PTCH1: variants seen among roughly 807,000 people sequenced by gnomAD.
PTCH1 encodes patched 1.
In PTCH1, 14 loss-of-function variants were observed where a neutral mutation model predicts 144.6. The ratio of observed to expected loss-of-function variants is 0.10; its 90% confidence interval spans 0.06 to 0.15. The LOEUF is 0.15. PTCH1 is among the 10% of genes least tolerant of loss of function. The pLI is 1.00. For synonymous variants in PTCH1, 833 were observed against 793.6 expected (o/e 1.05, Z -0.83); for missense variants, 1,623 against 1,948.3 (o/e 0.83, Z 3.14).
intron 2 of PTCH1, among the ~76,000 whole-genome samples, chr9:95,496,246 G>T (rs1005591807): frequency 1.3e-5 from 2 of 152,212 alleles, no homozygotes; most frequent in Admixed American, 1.3e-4. Context: ...AAAAATGGTT[G>T]CATTTAGCAG....
At chr9:95,474,122 C>A (rs1300724029) in intron 12 of PTCH1, 1 of 493,846 alleles carries the variant, frequency 2.0e-6, no homozygotes. Context: ...GAGAGTCGGC[C>A]TCGATGAGCC....
At chr9:95,462,448 A>G (rs1839574079) in intron 15 of PTCH1, among the ~76,000 whole-genome samples, 1 of 152,156 alleles carries the variant, frequency 6.6e-6, no homozygotes, top group African/African-American at 2.4e-5. Context: ...TTCAAACAGC[A>G]GCTCAGCTGC....
At chr9:95,506,872 C>T (rs1843701396) in intron 1 of PTCH1, 12 of 1,171,736 alleles carry the variant, frequency 1.0e-5, no homozygotes, top group Non-Finnish European at 1.3e-5. Context: ...GGCACTGGGG[C>T]TGCAATACAG....
At chr9:95,471,091 AAAAG>A (rs943685459) in intron 12 of PTCH1, among the ~76,000 whole-genome samples, 27 of 120,076 alleles carry the variant, frequency 2.2e-4, no homozygotes, top group African/African-American at 3.9e-4. Context: ...TCAAAAAAAA[AAAAG>A]AAAGAAAGAA....
At position 95,457,993 on chromosome 9, in the gene PTCH1, G is replaced by T. The variant is rs1278324442; in HGVS notation, c.3168+20C>A. ...CTGAAAGGAATTTGACTTCCACAAA[G>T]CCCCTTATAATACACTCACAATGAT... On this transcript the variant is annotated intron_variant, in intron 18 of 23. Coordinates refer to ENST00000331920, the MANE Select transcript of PTCH1 (RefSeq NM_000264.5). 1 of 1,613,958 alleles carries T rather than the reference G, an allele frequency of 6.2e-7. No individual in the cohort carries two copies. Among genetic ancestry groups the T allele is most frequent in the East Asian group, 2.2e-5 (1 of 44,888 alleles).
intron 15 of PTCH1, among the ~76,000 whole-genome samples, chr9:95,466,781 A>G (rs1420007628): frequency 6.6e-6 from 1 of 152,218 alleles, no homozygotes; most frequent in African/African-American, 2.4e-5. Context: ...CTTTGATTTT[A>G]TGTGGTCACC....
intron 20 of PTCH1, 88 bp downstream of exon 20, chr9:95,453,390 A>G: frequency 3.8e-6 from 6 of 1,591,604 alleles, no homozygotes; most frequent in Non-Finnish European, 5.1e-6. Flanking sequence ...TCGGCCTCCT[A>G]AAGTGCTGGG....
chr9:95,502,889 G>T (rs927769041), intron 2 of PTCH1, among the ~76,000 whole-genome samples: 3 of 152,112 alleles, frequency 2.0e-5, no homozygotes, highest in African/African-American at 7.2e-5. Flanking sequence ...CCTTTCGAGT[G>T]GATCCCTTTA....
At chr9:95,507,402 C>G (rs1843768596) in intron 1 of PTCH1, 8 of 985,536 alleles carry the variant, frequency 8.1e-6, no homozygotes, top group Non-Finnish European at 9.6e-6. Context: ...GGGCCCCCGT[C>G]TGGGTGCTCG....
chr9:95,512,409 G>T (rs944314919), upstream of PTCH1, among the ~76,000 whole-genome samples: 1 of 137,684 alleles, frequency 7.3e-6, no homozygotes, highest in African/African-American at 2.8e-5. Flanking sequence ...CCTGTGGTCT[G>T]CTTTTTTCAT....
intron 22 of PTCH1, among the ~76,000 whole-genome samples, chr9:95,448,052 C>G (rs956626706): frequency 1.3e-5 from 2 of 152,206 alleles, no homozygotes; most frequent in African/African-American, 2.4e-5. Context: ...CTGTGGCGGG[C>G]AGCCTGTTCC....
chr9:95,488,253 AT>A (rs1842122039), intron 2 of PTCH1, among the ~76,000 whole-genome samples: 1 of 152,124 alleles, frequency 6.6e-6, no homozygotes, highest in South Asian at 2.1e-4. Context: ...AAAGGTATAG[AT>A]TTGTCCTTTC....
rs138240178 is a variant in PTCH1, at chr9:95,449,267, G to A, written c.3606C>T (p.Pro1202=). Residue 1202 remains proline (P), a synonymous_variant, in exon 22 of 24, where the codon CCC becomes CCT. Transcript: ENST00000331920. This position sits in a 1 kb window ranked among gnomAD's most constrained non-coding sequence, Gnocchi z 5.3. ...RLPTPSPEPP[P]SVVRFAMPPG... is the part of the protein sequence containing the mutation. ...GCGGCATGGCGAAGCGGACCACGCTGGGGGGTGGCTCAGGGGAGGGTGTGG... is the reference window on the plus strand; with the variant it reads ...GCGGCATGGCGAAGCGGACCACGCTAGGGGGTGGCTCAGGGGAGGGTGTGG... 3,019 of 1,564,340 alleles carry A rather than the reference G, an allele frequency of 1.9e-3. 61 individuals carry two copies. In the African/African-American group the frequency reaches 0.037, roughly 19 times the overall value.
At chr9:95,510,992 G>A (rs895111204), upstream of PTCH1, among the ~76,000 whole-genome samples, 26 of 150,024 alleles carry the variant, frequency 1.7e-4, no homozygotes, top group African/African-American at 6.1e-4. Context: ...CAGCCGGCGC[G>A]GACGGACGTG....
upstream of PTCH1, chr9:95,513,937 A>G (rs1204482662): frequency 1.3e-5 from 2 of 152,346 alleles, no homozygotes; most frequent in South Asian, 2.1e-4. Flanking sequence ...AAAGGAGTAA[A>G]TGAGGGGTCT....
At chr9:95,475,198 G>A (rs1387108668) in intron 12 of PTCH1, among the ~76,000 whole-genome samples, 1 of 152,132 alleles carries the variant, frequency 6.6e-6, no homozygotes, top group Non-Finnish European at 1.5e-5. Flanking sequence ...GCGCAGAACG[G>A]ACTACAGCTC....
chr9:95,478,844 A>G (rs527887819), intron 8 of PTCH1, among the ~76,000 whole-genome samples, 156 bp downstream of exon 8: 53 of 152,348 alleles, frequency 3.5e-4, no homozygotes, highest in African/African-American at 1.2e-3. Context: ...AGGATTTTCA[A>G]TATCAAAGAA....
At position 95,447,170 on chromosome 9, in the gene PTCH1, G is replaced by A. The variant is rs375588552; in HGVS notation, c.4086C>T (p.Pro1362=). The A allele has an allele frequency of 4.0e-5, 65 of 1,612,964 alleles. No individual in the cohort carries two copies. Among genetic ancestry groups the A allele is most frequent in the South Asian group, 3.3e-5 (3 of 91,084 alleles). ...CAGTGGTGATGGGCTGGCAGTAGCC[G>A]GGCACGGAGCTGCCCATGGCAGTGG... ...PASTAMGSSV[P]GYCQPITTVT... Residue 1362 remains proline, a synonymous_variant, in exon 23 of 24, where the codon CCC becomes CCT. Transcript: ENST00000331920.
chr9:95,509,669 T>C (rs1054202149), upstream of PTCH1, among the ~76,000 whole-genome samples: 4 of 152,336 alleles, frequency 2.6e-5, no homozygotes, highest in African/African-American at 7.2e-5. Flanking sequence ...GTAATATTTT[T>C]TTAAGCGCTT....
Sources: gnomAD v4.1 joint callset for allele counts (sites outside exome capture counted in the v4.1 genomes callset) on GRCh38, gnomAD v4.1.1 for gene constraint, Gnocchi (gnomAD v3.1) non-coding constraint, MANE v1.5 for transcripts, NCBI Gene and HGNC (gene_info 2026-07-23, HGNC 2026-07-21) for gene names.